Variants in PDE8A observed in about 807,000 individuals in gnomAD.
PDE8A encodes phosphodiesterase 8A, also known as high affinity cAMP-specific and IBMX-insensitive 3',5'-cyclic phosphodiesterase 8A.
A neutral mutation model predicts 105.0 loss-of-function variants in PDE8A; 59 were observed. The observed-to-expected ratio is 0.56, with a 90% confidence interval of 0.46 to 0.70. The LOEUF is 0.70. Ranked by LOEUF, PDE8A falls within the 30% of genes least tolerant of loss-of-function variation. The pLI, the probability that PDE8A is intolerant of heterozygous loss-of-function variation, is 0.00. For synonymous variants in PDE8A, 355 were observed against 371.9 expected (o/e 0.95, Z 0.52); for missense variants, 1,014 against 1,045.9 (o/e 0.97, Z 0.42).
intron 6 of PDE8A, among the ~76,000 whole-genome samples, chr15:85,084,180 T>A (rs962224571): frequency 6.6e-6 from 1 of 152,198 alleles, no homozygotes; most frequent in Non-Finnish European, 1.5e-5. Flanking sequence ...CCTATCATTT[T>A]AGGTTTCTTC....
At chr15:85,024,735 C>T (rs1596453197) in intron 1 of PDE8A, among the ~76,000 whole-genome samples, 1 of 152,196 alleles carries the variant, frequency 6.6e-6, no homozygotes, top group Admixed American at 6.5e-5. Flanking sequence ...TTGACTCTTA[C>T]TGAGTGACCT....
At chr15:85,053,982 G>A (rs2081017643) in intron 1 of PDE8A, among the ~76,000 whole-genome samples, 1 of 152,202 alleles carries the variant, frequency 6.6e-6, no homozygotes, top group African/African-American at 2.4e-5. Context: ...ATTATTTTGA[G>A]ATATGTCCCA....
At chr15:85,134,282 A>G (rs989189158) in intron 20 of PDE8A, among the ~76,000 whole-genome samples, 2 of 152,186 alleles carry the variant, frequency 1.3e-5, no homozygotes, top group Non-Finnish European at 2.9e-5. Context: ...AGCCTTTGCC[A>G]TGGCTGCCCA....
intron 1 of PDE8A, among the ~76,000 whole-genome samples, chr15:85,028,597 T>C (rs1344187404): frequency 6.6e-6 from 1 of 152,198 alleles, no homozygotes; most frequent in African/African-American, 2.4e-5. Flanking sequence ...CCTACAAAAG[T>C]GTTATCTATT....
chr15:85,075,380 C>T (rs925440290), intron 3 of PDE8A, among the ~76,000 whole-genome samples: 2 of 152,192 alleles, frequency 1.3e-5, no homozygotes, highest in Admixed American at 1.3e-4. Context: ...TATTTAGCCT[C>T]CATTTTACCT....
At chr15:85,078,587 AC>A (rs2081417503) in intron 5 of PDE8A, among the ~76,000 whole-genome samples, 1 of 151,448 alleles carries the variant, frequency 6.6e-6, no homozygotes, top group Non-Finnish European at 1.5e-5. Flanking sequence ...AAAGAAAAGA[AC>A]TTCCTAGAAT....
chr15:84,980,772 C>G (rs1229993537), upstream of PDE8A: 1 of 152,340 alleles, frequency 6.6e-6, no homozygotes, highest in Admixed American at 6.5e-5. Context: ...GCAATGCGTA[C>G]GCCCCTTCCC....
intron 3 of PDE8A, among the ~76,000 whole-genome samples, chr15:85,075,638 A>G (rs1199639225): frequency 6.6e-6 from 1 of 152,230 alleles, no homozygotes; most frequent in Non-Finnish European, 1.5e-5. Context: ...CTGTTAATTC[A>G]TACTCCATAA....
intron 1 of PDE8A, among the ~76,000 whole-genome samples, chr15:85,053,002 G>C (rs1424342208): frequency 6.6e-6 from 1 of 152,080 alleles, no homozygotes; most frequent in Non-Finnish European, 1.5e-5. Flanking sequence ...TTTGCGTAAG[G>C]TGTAAGGAAG....
At chr15:84,988,488 C>T (rs550543369) in intron 1 of PDE8A, among the ~76,000 whole-genome samples, 2 of 152,340 alleles carry the variant, frequency 1.3e-5, no homozygotes, top group Admixed American at 6.5e-5. Flanking sequence ...TTGTGACGCC[C>T]TCTGAATCTG....
intron 8 of PDE8A, 67 bp from the exon 9 acceptor site, chr15:85,097,881 A>G (rs2081784809): frequency 3.4e-6 from 3 of 873,944 alleles, no homozygotes; most frequent in Non-Finnish European, 5.7e-6. Flanking sequence ...TCAGAACTGA[A>G]GTGGAAAATG....
rs1212565052 is a variant in PDE8A, at chr15:85,083,556, A to T, written c.547A>T (p.Arg183Trp). The T allele has an allele frequency of 6.3e-7, 1 of 1,592,108 alleles. No individual in the cohort carries two copies. The highest frequency in any genetic ancestry group is 1.3e-5 in the African/African-American group (1 of 74,480). The change falls in exon 6 of 22, where the codon AGG (arginine) becomes TGG (tryptophan). Residue 183 changes from arginine (R) to tryptophan (W), a missense_variant and splice_region_variant. Coordinates refer to ENST00000394553, the MANE Select transcript of PDE8A (RefSeq NM_002605.3). ...MPFISAGFTR[R>W]YVENPNIMAC... ...ACAAAATTCCTCTTTCTGTTTGTAG[A>T]GGTATGTAGAAAACCCCAACATCAT...
intron 1 of PDE8A, among the ~76,000 whole-genome samples, chr15:84,992,063 A>G (rs2079894121): frequency 6.6e-6 from 1 of 152,260 alleles, no homozygotes; most frequent in African/African-American, 2.4e-5. Context: ...AAATCAGTTC[A>G]GGCAAATAAA....
At chr15:85,036,274 A>G (rs2080705081) in intron 1 of PDE8A, among the ~76,000 whole-genome samples, 1 of 152,116 alleles carries the variant, frequency 6.6e-6, no homozygotes, top group African/African-American at 2.4e-5. Context: ...TCTATTCTAC[A>G]TCAATTCAAA....
chr15:85,096,145 G>A (rs1299255062), intron 8 of PDE8A, among the ~76,000 whole-genome samples: 2 of 152,166 alleles, frequency 1.3e-5, no homozygotes, highest in Non-Finnish European at 2.9e-5. Flanking sequence ...AAAGTGCTGG[G>A]ATCACAGGCG....
At chr15:85,003,530 T>C (rs113844636) in intron 1 of PDE8A, among the ~76,000 whole-genome samples, 1 of 152,128 alleles carries the variant, frequency 6.6e-6, no homozygotes, top group African/African-American at 2.4e-5. Flanking sequence ...ATCAGAACAA[T>C]AGCTGTCCCT....
intron 2 of PDE8A, among the ~76,000 whole-genome samples, chr15:85,066,627 C>A (rs1382601983): frequency 8.4e-6 from 1 of 118,870 alleles, no homozygotes; most frequent in Admixed American, 8.8e-5. Context: ...CACACACACA[C>A]ACACACACAC....
chr15:84,982,001 G>A lies in PDE8A; in HGVS notation c.-162G>A, dbSNP rs1364332412. 5 of 334,204 alleles carry A rather than the reference G, an allele frequency of 1.5e-5. No individual in the cohort carries two copies. The highest frequency in any genetic ancestry group is 2.6e-5 in the Non-Finnish European group (5 of 193,610). 20.7% of individuals were successfully genotyped at this position (334,204 alleles called of 1,614,324 possible). A position where few individuals can be genotyped will look rare whatever the true frequency, so the allele number is the denominator to read the frequency against. Reference sequence around the variant, plus strand: ...GCCGCCGCCGCAGCGCCCGCACCGCGATAAAAGGGGCGGCCGCGTTTCCTG... The same window carrying A: ...GCCGCCGCCGCAGCGCCCGCACCGCAATAAAAGGGGCGGCCGCGTTTCCTG... On this transcript the variant is annotated 5_prime_UTR_variant, in exon 1 of 22. Transcript: ENST00000394553.
rs185952344 is a variant in PDE8A at position 84,996,573 on chromosome 15, C to A, written c.186+14225C>A. Among the ~76,000 whole-genome samples the A allele has an allele frequency of 6.6e-5, 10 of 151,776 alleles. No individual in the cohort carries two copies. The East Asian group carries it at 1.9e-3, about 29-fold the overall frequency. Reference sequence around the variant, plus strand: ...GGCATGGTGGCTCATGCCTGTAATCCCAGCACTTTGGGCGGCTGAGGCGGG... The same window carrying A: ...GGCATGGTGGCTCATGCCTGTAATCACAGCACTTTGGGCGGCTGAGGCGGG... On this transcript the variant is annotated intron_variant, in intron 1 of 21. Transcript: ENST00000394553.
Sources: allele counts gnomAD v4.1 joint callset (sites outside exome capture counted in the v4.1 genomes callset), GRCh38; gene constraint gnomAD v4.1.1; transcripts MANE v1.5; gene names NCBI Gene and HGNC (gene_info 2026-07-23, HGNC 2026-07-21).